CDH4: variants seen among roughly 807,000 people sequenced by gnomAD.
CDH4 encodes cadherin-4.
In CDH4, 33 loss-of-function variants were observed where a neutral mutation model predicts 86.0. The ratio of observed to expected loss-of-function variants is 0.38; its 90% CI spans 0.29 to 0.51. The LOEUF (loss-of-function observed/expected upper bound fraction) is 0.51, where lower values mean the gene tolerates loss of function less well. CDH4 is among the 20% of genes least tolerant of loss of function. The probability of loss-of-function intolerance (pLI) is 0.86; values close to 1 mark genes in which losing one functional copy is unlikely to be tolerated. For synonymous variants in CDH4, 555 were observed against 549.4 expected, an observed-to-expected ratio of 1.01 and a Z score of -0.14; for missense variants, 1,114 against 1,307.4, an observed-to-expected ratio of 0.85 and a Z score of 2.28.
At chr20:61,559,522 T>TC (rs1486131831) in intron 2 of CDH4, among the ~76,000 whole-genome samples, 2 of 136,964 alleles carry the variant, frequency 1.5e-5, no homozygotes, top group African/African-American at 5.6e-5. Context: ...TTTTTTTCTT[T>TC]TTTTTTTTTT....
intron 2 of CDH4, among the ~76,000 whole-genome samples, chr20:61,479,101 T>C (rs1265492681): frequency 6.6e-6 from 1 of 152,194 alleles, no homozygotes; most frequent in Non-Finnish European, 1.5e-5. Flanking sequence ...GTGGCTCTTA[T>C]CTTTGTTCCT....
At chr20:61,796,029 C>A (rs987406976) in intron 4 of CDH4, among the ~76,000 whole-genome samples, 1 of 152,036 alleles carries the variant, frequency 6.6e-6, no homozygotes, top group Non-Finnish European at 1.5e-5. Flanking sequence ...GCAAGCTGGA[C>A]CCTGGTGGAA....
At chr20:61,460,291 C>T (rs2085434493) in intron 2 of CDH4, among the ~76,000 whole-genome samples, 1 of 152,144 alleles carries the variant, frequency 6.6e-6, no homozygotes, top group Non-Finnish European at 1.5e-5. Flanking sequence ...AGCAGCTCAT[C>T]CTGACAGCAG....
At chr20:61,893,037 A>G (rs1172624454) in intron 7 of CDH4, among the ~76,000 whole-genome samples, 2 of 138,090 alleles carry the variant, frequency 1.4e-5, no homozygotes, top group Non-Finnish European at 3.2e-5. Flanking sequence ...GGATGGATAG[A>G]TGGATGGGTG....
rs2088538138 is a variant in CDH4, at chr20:61,754,676, CTA to C, written c.396+10889_396+10890del. ...CACACGCACACACGCCCCGCACACACTATGCACACCACACACACAGTGCATGC... is the reference window on the plus strand; with the variant it reads ...CACACGCACACACGCCCCGCACACACTGCACACCACACACACAGTGCATGC... On this transcript the variant is annotated intron_variant, in intron 3 of 15. Coordinates refer to ENST00000614565, the MANE Select transcript of CDH4 (RefSeq NM_001794.5). The surrounding 1 kb of genome is among the most constrained non-coding windows in gnomAD (Gnocchi z 4.7). 6.7e-6 allele frequency among the ~76,000 whole-genome samples: 1 copy of C among 150,264 alleles called. No individual in the cohort carries two copies. The highest frequency in any genetic ancestry group is 1.5e-5 in the Non-Finnish European group (1 of 67,432).
chr20:61,802,853 T>G (rs903930372), intron 4 of CDH4, among the ~76,000 whole-genome samples: 1 of 152,212 alleles, frequency 6.6e-6, no homozygotes, highest in East Asian at 1.9e-4. Flanking sequence ...CACAGGTGCA[T>G]GCAGCGTTCC....
At chr20:61,566,126 T>C (rs2086296008) in intron 2 of CDH4, among the ~76,000 whole-genome samples, 1 of 152,156 alleles carries the variant, frequency 6.6e-6, no homozygotes, top group Admixed American at 6.5e-5. Flanking sequence ...TGGGCTGCTC[T>C]CGTCCCCGAC....
intron 2 of CDH4, among the ~76,000 whole-genome samples, chr20:61,714,069 T>C (rs979627796): frequency 2.9e-4 from 44 of 151,728 alleles, no homozygotes; most frequent in Non-Finnish European, 4.0e-4. Context: ...TTATTTGAGA[T>C]GGAGTCTCAC....
chr20:61,702,015 C>T (rs1290468099), intron 2 of CDH4, among the ~76,000 whole-genome samples: 1 of 152,196 alleles, frequency 6.6e-6, no homozygotes, highest in Non-Finnish European at 1.5e-5. Context: ...GCCTAGACCT[C>T]ACGGAGGTCT....
In CDH4 at chr20:61,663,646, G is replaced by A. The variant is rs2087287010; in HGVS notation, c.170-79917G>A. ...CAAGAGACCATCTTGGCTGCCCAGG[G>A]GAAGCGGGGACTCGAGGAGAGCAGG... On this transcript the variant is annotated intron_variant, in intron 2 of 15. Coordinates refer to ENST00000614565, the MANE Select transcript of CDH4 (RefSeq NM_001794.5). This position sits in a 1 kb window ranked among gnomAD's most constrained non-coding sequence, Gnocchi z 5.0. 2.0e-5 allele frequency among the ~76,000 whole-genome samples: 3 copies of A among 152,138 alleles called. No individual in the cohort carries two copies. The highest frequency in any genetic ancestry group is 2.4e-5 in the African/African-American group (1 of 41,420).
At chr20:61,882,286 AAGCC>A (rs1984316117) in intron 7 of CDH4, among the ~76,000 whole-genome samples, 1 of 152,196 alleles carries the variant, frequency 6.6e-6, no homozygotes, top group Admixed American at 6.5e-5. Flanking sequence ...CATGACGTGA[AAGCC>A]AGGTTACTTA....
intron 2 of CDH4, among the ~76,000 whole-genome samples, chr20:61,274,622 GA>G (rs2084215240): frequency 4.0e-5 from 6 of 149,202 alleles, no homozygotes; most frequent in Admixed American, 6.7e-5. Context: ...GTGCAGTTTG[GA>G]GGAGTACGGT....
chr20:61,864,532 G>T (rs368615336), intron 6 of CDH4, among the ~76,000 whole-genome samples: 4 of 152,192 alleles, frequency 2.6e-5, no homozygotes, highest in African/African-American at 9.7e-5. Flanking sequence ...CAGAGACCAC[G>T]TCTGCTGATC....
chr20:61,301,313 G>A (rs6101300), intron 2 of CDH4, among the ~76,000 whole-genome samples: 4,678 of 152,332 alleles, frequency 0.031, 256 homozygotes, highest in African/African-American at 0.11. Context: ...CATTTTGTCA[G>A]TGGTGCCAGC....
At chr20:61,775,456 G>T (rs2088827895) in intron 4 of CDH4, among the ~76,000 whole-genome samples, 1 of 152,200 alleles carries the variant, frequency 6.6e-6, no homozygotes, top group Middle Eastern at 3.2e-3. Context: ...GAAGGGCCAG[G>T]TGGTAAATAT....
At chr20:61,492,277 ATGT>A (rs1244312519) in intron 2 of CDH4, among the ~76,000 whole-genome samples, 3 of 147,686 alleles carry the variant, frequency 2.0e-5, no homozygotes, top group Admixed American at 1.3e-4. Context: ...AGTATTGTTG[ATGT>A]TGGTGGTGTT....
Position 61,684,786 on chromosome 20 carries a change from C to G in CDH4, c.170-58777C>G, listed in dbSNP as rs2087555552. Among the ~76,000 whole-genome samples the G allele has an allele frequency of 6.6e-6, 1 of 152,198 alleles. No homozygotes were observed. The highest frequency in any genetic ancestry group is 2.4e-5 in the African/African-American group (1 of 41,448). On this transcript the variant is annotated intron_variant, in intron 2 of 15. Transcript: ENST00000614565. The surrounding 1 kb of genome is among the most constrained non-coding windows in gnomAD (Gnocchi z 4.5). Reference sequence around the variant, plus strand: ...CCCTCAATCTGCAGCCCACAGCCGCCTGCCGTGACCACCCCTCGATGTGGG... The same window carrying G: ...CCCTCAATCTGCAGCCCACAGCCGCGTGCCGTGACCACCCCTCGATGTGGG...
At position 61,684,038 on chromosome 20, in the gene CDH4, A is replaced by G. The variant is rs771378696; in HGVS notation, c.170-59525A>G. 1.3e-5 allele frequency among the ~76,000 whole-genome samples: 2 copies of G among 152,238 alleles called. No homozygotes were observed. Among genetic ancestry groups the G allele is most frequent in the African/African-American group, 2.4e-5 (1 of 41,466 alleles). On this transcript the variant is annotated intron_variant, in intron 2 of 15. Coordinates refer to ENST00000614565, the MANE Select transcript of CDH4 (RefSeq NM_001794.5). The surrounding 1 kb of genome is among the most constrained non-coding windows in gnomAD (Gnocchi z 4.5). The stretch of plus-strand genomic sequence containing the variant: ...GGTGGGCGTGGCAGGGACTACAGCC[A>G]GAGCTGGGTCTGTTTGGTGCTTCTT...
At chr20:61,891,475 C>G (rs181745926) in intron 7 of CDH4, among the ~76,000 whole-genome samples, 17 of 152,360 alleles carry the variant, frequency 1.1e-4, no homozygotes, top group African/African-American at 2.2e-4. Flanking sequence ...AGTCCTCCCC[C>G]CTTCTCCAGG....
Sources: allele counts gnomAD v4.1 joint callset (sites outside exome capture counted in the v4.1 genomes callset), GRCh38; gene constraint gnomAD v4.1.1; non-coding constraint Gnocchi (gnomAD v3.1); transcripts MANE v1.5; gene names NCBI Gene and HGNC (gene_info 2026-07-23, HGNC 2026-07-21).